MCTP1: variants seen among roughly 807,000 people sequenced by gnomAD.
The protein encoded by MCTP1 is multiple C2 and transmembrane domain-containing protein 1.
A neutral mutation model predicts 120.6 loss-of-function variants in MCTP1; 69 were observed. The observed-to-expected ratio is 0.57, with a 90% CI of 0.47 to 0.70. MCTP1 has a LOEUF of 0.70. Among genes scored for constraint, MCTP1 ranks in the 30% least tolerant of loss-of-function variants. The pLI is 0.00. For synonymous variants in MCTP1, 529 were observed against 493.1 expected, an observed-to-expected ratio of 1.07 and a Z score of -0.96; for missense variants, 1,203 against 1,248.8, an observed-to-expected ratio of 0.96 and a Z score of 0.55.
intron 17 of MCTP1, among the ~76,000 whole-genome samples, chr5:94,851,066 T>G (rs979067677): frequency 6.6e-6 from 1 of 152,122 alleles, no homozygotes; most frequent in Non-Finnish European, 1.5e-5. Flanking sequence ...CTAGTCCATC[T>G]TACAATAAAG....
chr5:95,174,636 C>G (rs888784437), intron 1 of MCTP1, among the ~76,000 whole-genome samples: 1 of 152,152 alleles, frequency 6.6e-6, no homozygotes, highest in African/African-American at 2.4e-5. Context: ...TACTTCAGCT[C>G]CCTTGCCTCA....
At chr5:94,839,997 A>T (rs1374347355) in intron 17 of MCTP1, among the ~76,000 whole-genome samples, 1 of 152,194 alleles carries the variant, frequency 6.6e-6, no homozygotes, top group East Asian at 1.9e-4. Flanking sequence ...TCCTCTGGTG[A>T]TAATTAGTGA....
chr5:94,976,790 A>G (rs941525428), intron 2 of MCTP1: 2 of 152,148 alleles, frequency 1.3e-5, no homozygotes, highest in African/African-American at 4.8e-5. Flanking sequence ...ATGTAGCACA[A>G]CTGTATTTTC....
At position 94,882,737 on chromosome 5, in the gene MCTP1, A is replaced by T. The variant is rs537189902; in HGVS notation, c.1933+6142T>A. On this transcript the variant is annotated intron_variant, in intron 12 of 22. Transcript: ENST00000515393. ...AGTATTTCTCTTTCCCTCATTTCCC[A>T]TTGATAGTGGGACCACCACTTTCTC... 1.2e-4 allele frequency among the ~76,000 whole-genome samples: 18 copies of T among 152,192 alleles called. 1 individual carries two copies. In the South Asian group the frequency reaches 1.4e-3, roughly 12 times the overall value.
chr5:94,751,617 T>C (rs941517879), intron 19 of MCTP1, among the ~76,000 whole-genome samples: 2 of 151,990 alleles, frequency 1.3e-5, no homozygotes, highest in Non-Finnish European at 2.9e-5. Flanking sequence ...AATGTGAGGA[T>C]CAAGTGCCCA....
At chr5:95,028,216 C>T (rs28707160) in intron 1 of MCTP1, among the ~76,000 whole-genome samples, 14,242 of 152,058 alleles carry the variant, frequency 0.094, 1,004 homozygotes, top group East Asian at 0.37. Flanking sequence ...AATAATGATA[C>T]GGTAGAAACA....
chr5:95,284,563 C>A lies in MCTP1; in HGVS notation c.13G>T (p.Ala5Ser). The change falls in exon 1 of 23, where the codon GCT becomes TCT. Residue 5 changes from alanine to serine, a missense_variant. Around this residue, in one of 2 missense-constraint regions of MCTP1, gnomAD observed 463 missense variants for 377.8 expected, o/e 1.23. Transcript: ENST00000515393. The surrounding 1 kb of genome is among the most constrained non-coding windows in gnomAD (Gnocchi z 5.2). MEPR[A>S]AAAGEPEPPA... Reference sequence around the variant, plus strand: ...GGCTCTGGCTCGCCCGCCGCGGCAGCCCGGGGCTCCATCCTCCACCCCCTG... The same window carrying A: ...GGCTCTGGCTCGCCCGCCGCGGCAGACCGGGGCTCCATCCTCCACCCCCTG... 6.9e-7 allele frequency: 1 copy of A among 1,439,870 alleles called. No individual in the cohort carries two copies. The highest frequency in any genetic ancestry group is 1.5e-5 in the South Asian group (1 of 68,466). 89.2% of individuals were successfully genotyped at this position (1,439,870 alleles called of 1,614,324 possible).
intron 1 of MCTP1, among the ~76,000 whole-genome samples, chr5:95,048,645 T>A (rs187375745): frequency 6.6e-6 from 1 of 152,274 alleles, no homozygotes; most frequent in African/African-American, 2.4e-5. Flanking sequence ...AACTTGCTGG[T>A]CTGTAGACTT....
At chr5:94,814,741 C>A (rs1207963562) in intron 17 of MCTP1, among the ~76,000 whole-genome samples, 1 of 151,782 alleles carries the variant, frequency 6.6e-6, no homozygotes, top group Non-Finnish European at 1.5e-5. Context: ...GACAGCTTAG[C>A]CCAACATGCA....
chr5:95,068,187 A>C (rs1368307659), intron 1 of MCTP1, among the ~76,000 whole-genome samples: 1 of 152,220 alleles, frequency 6.6e-6, no homozygotes, highest in Non-Finnish European at 1.5e-5. Flanking sequence ...ACCAAGACAC[A>C]TTTGACTCCA....
At chr5:94,756,479 C>CGAGGT (rs1024663955) in intron 19 of MCTP1, among the ~76,000 whole-genome samples, 36 of 152,250 alleles carry the variant, frequency 2.4e-4, no homozygotes, top group African/African-American at 8.7e-4. Flanking sequence ...CTGCACTCAA[C>CGAGGT]GAGGTGTCAT....
intron 2 of MCTP1, among the ~76,000 whole-genome samples, chr5:94,999,496 G>C (rs567773849): frequency 1.5e-4 from 23 of 152,282 alleles, no homozygotes; most frequent in South Asian, 6.2e-4. Flanking sequence ...GATGTGTATT[G>C]ATTGCCCTTG....
At chr5:94,931,448 C>T (rs1814651621) in intron 6 of MCTP1, 1 of 152,238 alleles carries the variant, frequency 6.6e-6, no homozygotes, top group Admixed American at 6.6e-5. Flanking sequence ...TAGTAAGTTA[C>T]AGGAACCATA....
rs1467419550 is a variant in MCTP1 at position 94,870,960 on chromosome 5, T to G, written c.2153A>C (p.Glu718Ala). 5.0e-6 allele frequency: 8 copies of G among 1,612,922 alleles called. No homozygotes were observed. The highest frequency in any genetic ancestry group is 5.9e-6 in the Non-Finnish European group (7 of 1,179,376). Reference protein sequence around the residue: ...AIPLLSIQNGEQKAYVLKNKQ... With the variant: ...AIPLLSIQNGAQKAYVLKNKQ... ...GTTTTTCAAGACGTAGGCTTTCTGT[T>G]CACCATTTTGAATCTGCGGGAAAAG... Residue 718 changes from glutamate (E) to alanine (A), a missense_variant, in exon 15 of 23, where the codon GAA becomes GCA. Glu to Ala is a moderately radical substitution (Grantham distance 107). Transcript: ENST00000515393.
intron 1 of MCTP1, among the ~76,000 whole-genome samples, chr5:95,070,631 G>C (rs527959208): frequency 6.6e-6 from 1 of 152,276 alleles, no homozygotes; most frequent in South Asian, 2.1e-4. Context: ...AAGTTGCCCT[G>C]TACTGCCTTG....
intron 2 of MCTP1, among the ~76,000 whole-genome samples, chr5:94,993,886 T>C (rs1203819998): frequency 6.6e-6 from 1 of 152,224 alleles, no homozygotes. Flanking sequence ...AAGATTGCAA[T>C]AGATTTCAGA....
intron 1 of MCTP1, among the ~76,000 whole-genome samples, chr5:95,252,085 C>T (rs1289452638): frequency 1.3e-5 from 2 of 151,878 alleles, no homozygotes; most frequent in African/African-American, 4.8e-5. Flanking sequence ...ATTTATATAG[C>T]CAAGCAGATA....
Position 94,940,058 on chromosome 5 carries a change from T to C in MCTP1, c.1173+26A>G. 3 of 1,338,770 alleles carry C rather than the reference T, an allele frequency of 2.2e-6. No individual in the cohort carries two copies. In the South Asian group the frequency reaches 3.8e-5, roughly 17 times the overall value. 82.9% of individuals were successfully genotyped at this position (1,338,770 alleles called of 1,614,324 possible). A position where few individuals can be genotyped will look rare whatever the true frequency, so the allele number is the denominator to read the frequency against. On this transcript the variant is annotated intron_variant, in intron 5 of 22. Transcript: ENST00000515393. ...TCACAACTTTCAAACAAGAAAGAGC[T>C]CCTACTAGGCTGTGGGGGAACTTAC...
chr5:95,151,130 CATATATATATAT>C (rs3037035), intron 1 of MCTP1, among the ~76,000 whole-genome samples: 6 of 125,954 alleles, frequency 4.8e-5, no homozygotes, highest in African/African-American at 1.5e-4. Flanking sequence ...ACGCCTGGCT[CATATATATATAT>C]ATATATATAT....
Sources: gnomAD v4.1 joint callset for allele counts (sites outside exome capture counted in the v4.1 genomes callset) on GRCh38, gnomAD v4.1.1 for gene constraint, gnomAD v4.1.1 regional missense constraint, Gnocchi (gnomAD v3.1) non-coding constraint, MANE v1.5 for transcripts, NCBI Gene and HGNC (gene_info 2026-07-23, HGNC 2026-07-21) for gene names.